Variants in FGFR2 observed in about 807,000 individuals in gnomAD.
FGFR2 encodes fibroblast growth factor receptor 2, also known as BEK fibroblast growth factor receptor.
In FGFR2, 19 loss-of-function variants were observed where a neutral mutation model predicts 95.9. The ratio of observed to expected loss-of-function variants is 0.20; its 90% CI spans 0.14 to 0.29. FGFR2 has a LOEUF of 0.29. Ranked by LOEUF, FGFR2 falls within the 10% of genes least tolerant of loss-of-function variation. FGFR2 has a pLI of 1.00. For synonymous variants in FGFR2, 392 were observed against 393.3 expected, an observed-to-expected ratio of 1.00 and a Z score of 0.04; for missense variants, 707 against 1,056.9, an observed-to-expected ratio of 0.67 and a Z score of 4.59.
At chr10:121,514,652 T>A (rs1219887440) in intron 9 of FGFR2, among the ~76,000 whole-genome samples, 1 of 152,218 alleles carries the variant, frequency 6.6e-6, no homozygotes, top group African/African-American at 2.4e-5. Context: ...CCCCAGGGCA[T>A]AAGATACTGA....
At chr10:121,565,337 G>T in intron 3 of FGFR2, 101 bp downstream of exon 3, 2 of 1,465,724 alleles carry the variant, frequency 1.4e-6, no homozygotes, top group Non-Finnish European at 1.9e-6. Context: ...CTGTATGCCT[G>T]GCATCCAATT....
chr10:121,572,608 G>GA (rs1262272969), intron 2 of FGFR2, among the ~76,000 whole-genome samples: 1 of 151,898 alleles, frequency 6.6e-6, no homozygotes, highest in East Asian at 1.9e-4. Context: ...CGACATGAGT[G>GA]AAACTGTCTC....
intron 6 of FGFR2, among the ~76,000 whole-genome samples, chr10:121,524,228 A>G (rs994609567): frequency 6.6e-6 from 1 of 151,694 alleles, no homozygotes; most frequent in African/African-American, 2.4e-5. Flanking sequence ...TCTTGAATTC[A>G]TCTTTTCAAA....
In FGFR2 at chr10:121,517,258, A is replaced by G. The variant is rs904415394; in HGVS notation, c.1084+61T>C. On this transcript the variant is annotated intron_variant, in intron 8 of 17. Transcript: ENST00000358487. The surrounding 1 kb of genome is among the most constrained non-coding windows in gnomAD (Gnocchi z 4.7). ...CATTTCTGATAACAGAAGCTGTGTT[A>G]ATTTTATAGCAGTCAACCAAGAAAA... The G allele has an allele frequency of 1.3e-6, 2 of 1,551,278 alleles. No individual in the cohort carries two copies. Among genetic ancestry groups the G allele is most frequent in the Non-Finnish European group, 1.8e-6 (2 of 1,123,148 alleles).
intron 10 of FGFR2, among the ~76,000 whole-genome samples, chr10:121,502,406 T>A (rs1385301446): frequency 6.6e-6 from 1 of 152,210 alleles, no homozygotes; most frequent in African/African-American, 2.4e-5. Context: ...CACTACAGTA[T>A]ACAAATCAAC....
intron 6 of FGFR2, among the ~76,000 whole-genome samples, chr10:121,524,146 A>ACACACACACACCCCCCCC (rs142755962): frequency 7.3e-5 from 10 of 136,882 alleles, no homozygotes; most frequent in Admixed American, 7.2e-5. Flanking sequence ...ACACACACAC[A>ACACACACACACCCCCCCC]CCCCAAGTTT....
At chr10:121,491,751 T>C (rs1846158233) in intron 13 of FGFR2, among the ~76,000 whole-genome samples, 2 of 151,826 alleles carry the variant, frequency 1.3e-5, no homozygotes. Flanking sequence ...GCGCCTGTAG[T>C]CCCAGCTACT....
At chr10:121,500,794 C>A in intron 11 of FGFR2, 32 bp downstream of exon 11, 1 of 1,612,050 alleles carries the variant, frequency 6.2e-7, no homozygotes, top group South Asian at 1.1e-5. Flanking sequence ...CTCCACCCAG[C>A]CCCTCCCCGA....
intron 2 of FGFR2, among the ~76,000 whole-genome samples, chr10:121,578,036 G>T (rs1860211422): frequency 6.6e-6 from 1 of 152,030 alleles, no homozygotes; most frequent in South Asian, 2.1e-4. Flanking sequence ...AGCTCTGAAA[G>T]AAAGTACAGG....
chr10:121,510,876 A>G (rs999462380), intron 9 of FGFR2, among the ~76,000 whole-genome samples: 2 of 151,924 alleles, frequency 1.3e-5, no homozygotes, highest in Non-Finnish European at 2.9e-5. Flanking sequence ...ATCTCAGCTC[A>G]CTGCAACCTC....
At chr10:121,491,228 C>T (rs1364762159) in intron 13 of FGFR2, among the ~76,000 whole-genome samples, 1 of 152,072 alleles carries the variant, frequency 6.6e-6, no homozygotes, top group Non-Finnish European at 1.5e-5. Flanking sequence ...ATCCCAGGGG[C>T]TAGGAAACAT....
chr10:121,551,962 T>C (rs940108242), intron 4 of FGFR2, among the ~76,000 whole-genome samples: 1 of 151,896 alleles, frequency 6.6e-6, no homozygotes, highest in Non-Finnish European at 1.5e-5. Flanking sequence ...CATTCTAATA[T>C]AATAAAATAA....
In FGFR2 at chr10:121,478,840, A is replaced by G. The variant is rs752834125; in HGVS notation, c.*1017T>C. ...CTGCCAGAGAGAAGCACATTCTGCT[A>G]TCATTTCAACTAAGGTCTGTCCTCA... On this transcript the variant is annotated 3_prime_UTR_variant, in exon 18 of 18. Coordinates refer to ENST00000358487, the MANE Select transcript of FGFR2 (RefSeq NM_000141.5). 6.0e-5 allele frequency: 14 copies of G among 233,552 alleles called. No individual in the cohort carries two copies. Among genetic ancestry groups the G allele is most frequent in the Non-Finnish European group, 8.5e-5 (10 of 118,014 alleles). 14.5% of individuals were successfully genotyped at this position (233,552 alleles called of 1,614,324 possible).
Position 121,598,157 on chromosome 10 carries a change from C to T in FGFR2, c.-346G>A, listed in dbSNP as rs1447629903. The T allele has an allele frequency of 2.5e-6, 1 of 398,296 alleles. No individual in the cohort carries two copies. The highest frequency in any genetic ancestry group is 4.4e-6 in the Non-Finnish European group (1 of 225,846). 24.7% of individuals were successfully genotyped at this position (398,296 alleles called of 1,614,324 possible). A position where few individuals can be genotyped will look rare whatever the true frequency, so the allele number is the denominator to read the frequency against. On this transcript the variant is annotated 5_prime_UTR_variant, in exon 1 of 18. Coordinates refer to ENST00000358487, the MANE Select transcript of FGFR2 (RefSeq NM_000141.5). ...CGGAGGAGCGCGGGCATGACGCCCGCGGGCTGCCCTCGGATTTGGGGAACG... is the reference window on the plus strand; with the variant it reads ...CGGAGGAGCGCGGGCATGACGCCCGTGGGCTGCCCTCGGATTTGGGGAACG...
intron 15 of FGFR2, among the ~76,000 whole-genome samples, chr10:121,486,499 TG>T (rs1259387149): frequency 6.6e-6 from 1 of 152,196 alleles, no homozygotes; most frequent in Non-Finnish European, 1.5e-5. Context: ...TGGAGTGCAG[TG>T]GCACAATCTC....
Position 121,499,083 on chromosome 10 carries a change from C to T in FGFR2, c.1562-478G>A, listed in dbSNP as rs2133983417. ...GTGGGTTCAGACGGTTCCCCATAAA[C>T]AGGGCCATAAACGTGTGTGCATGTG... On this transcript the variant is annotated intron_variant, in intron 11 of 17. Coordinates refer to ENST00000358487, the MANE Select transcript of FGFR2 (RefSeq NM_000141.5). Among the ~76,000 whole-genome samples the T allele has an allele frequency of 1.3e-5, 2 of 152,306 alleles. 1 individual carries two copies. The highest frequency in any genetic ancestry group is 4.1e-4 in the South Asian group (2 of 4,828).
At chr10:121,504,519 AC>A (rs1466589580) in intron 9 of FGFR2, among the ~76,000 whole-genome samples, 1 of 152,006 alleles carries the variant, frequency 6.6e-6, no homozygotes, top group Non-Finnish European at 1.5e-5. Context: ...ATAACCCCAG[AC>A]CCCAGCATTG....
intron 6 of FGFR2, among the ~76,000 whole-genome samples, chr10:121,534,978 G>T (rs1852629007): frequency 6.6e-6 from 1 of 152,194 alleles, no homozygotes; most frequent in Non-Finnish European, 1.5e-5. Context: ...CTTTGCAAAA[G>T]TACTTAAGTT....
At chr10:121,592,592 T>C (rs1204362600) in intron 2 of FGFR2, among the ~76,000 whole-genome samples, 3 of 152,120 alleles carry the variant, frequency 2.0e-5, no homozygotes, top group Admixed American at 2.0e-4. Flanking sequence ...AGAACTCTCA[T>C]CTCAGATGGA....
Sources: allele counts gnomAD v4.1 joint callset (sites outside exome capture counted in the v4.1 genomes callset), GRCh38; gene constraint gnomAD v4.1.1; non-coding constraint Gnocchi (gnomAD v3.1); transcripts MANE v1.5; gene names NCBI Gene and HGNC (gene_info 2026-07-23, HGNC 2026-07-21).